The following FHIT variants were observed in gnomAD, a reference collection of about 807,000 sequenced individuals.
FHIT encodes fragile histidine triad diadenosine triphosphatase, also known as bis(5'-adenosyl)-triphosphatase.
A neutral mutation model predicts 17.9 loss-of-function variants in FHIT; 19 were observed. The ratio of observed to expected loss-of-function variants is 1.06; its 90% confidence interval spans 0.74 to 1.56. The LOEUF is 1.56. FHIT is among the 40% of genes most tolerant of loss of function. FHIT has a pLI of 0.00. For synonymous variants in FHIT, 81 were observed against 69.7 expected (o/e 1.16, Z -0.81); for missense variants, 248 against 189.2 (o/e 1.31, Z -1.82).
At chr3:60,580,760 C>A (rs2037724216) in intron 4 of FHIT, among the ~76,000 whole-genome samples, 1 of 152,032 alleles carries the variant, frequency 6.6e-6, no homozygotes. Flanking sequence ...CAGGTTTCAC[C>A]TCTCATGACA....
At chr3:60,870,207 A>C (rs1056642373) in intron 3 of FHIT, among the ~76,000 whole-genome samples, 2 of 152,022 alleles carry the variant, frequency 1.3e-5, no homozygotes, top group African/African-American at 4.8e-5. Context: ...GAGAAAACTA[A>C]TATTGCTCTG....
intron 5 of FHIT, among the ~76,000 whole-genome samples, chr3:60,355,341 T>C (rs1414838205): frequency 6.6e-6 from 1 of 152,216 alleles, no homozygotes; most frequent in African/African-American, 2.4e-5. Context: ...GTGGTACAGA[T>C]GGCTGTCCTT....
chr3:60,789,082 G>C (rs9866819), intron 4 of FHIT, among the ~76,000 whole-genome samples: 2 of 150,078 alleles, frequency 1.3e-5, no homozygotes, highest in African/African-American at 4.9e-5. Context: ...TACATATATA[G>C]AGAGAGAGAT....
In FHIT at chr3:60,117,999, T is replaced by G. The variant is rs908258640; in HGVS notation, c.104-103847A>C. 2.6e-5 allele frequency among the ~76,000 whole-genome samples: 4 copies of G among 152,180 alleles called. 1 individual carries two copies. The South Asian group carries it at 6.2e-4, about 24-fold the overall frequency. ...AAGATGGGATTCTGACCTCCATTCT[T>G]GCAAAATGCTGATGATCCAAGCGGT... On this transcript the variant is annotated intron_variant, in intron 5 of 9. Transcript: ENST00000492590.
At chr3:60,685,899 A>G (rs1478234783) in intron 4 of FHIT, among the ~76,000 whole-genome samples, 1 of 152,204 alleles carries the variant, frequency 6.6e-6, no homozygotes, top group African/African-American at 2.4e-5. Flanking sequence ...TTTTATATTT[A>G]TCTTACTATT....
intron 4 of FHIT, among the ~76,000 whole-genome samples, chr3:60,625,889 C>T (rs141479484): frequency 6.6e-6 from 1 of 152,124 alleles, no homozygotes; most frequent in Non-Finnish European, 1.5e-5. Flanking sequence ...ACATTTGAGG[C>T]CAAGATTCAT....
chr3:60,436,435 C>G (rs977246683), intron 5 of FHIT, among the ~76,000 whole-genome samples: 2 of 152,096 alleles, frequency 1.3e-5, no homozygotes, highest in Non-Finnish European at 2.9e-5. Context: ...CAAGTATATG[C>G]AGTGTGCCCA....
At chr3:60,527,115 T>G (rs953861261) in intron 5 of FHIT, among the ~76,000 whole-genome samples, 1 of 152,164 alleles carries the variant, frequency 6.6e-6, no homozygotes, top group African/African-American at 2.4e-5. Context: ...CGCGGAAATA[T>G]GAAAAGTTTC....
At chr3:60,691,373 C>A (rs1015976135) in intron 4 of FHIT, among the ~76,000 whole-genome samples, 1 of 150,010 alleles carries the variant, frequency 6.7e-6, no homozygotes. Flanking sequence ...TTTTCTTTTT[C>A]TTCTTTTTTT....
In FHIT at chr3:60,868,635, A is replaced by G. The variant is rs116975437; in HGVS notation, c.-110-46624T>C. Among the ~76,000 whole-genome samples, 62 of 152,296 alleles carry G rather than the reference A, an allele frequency of 4.1e-4. No individual in the cohort carries two copies. In the Middle Eastern group the frequency reaches 0.014, roughly 33 times the overall value. ...ATTGACAATATACTCTCTTTGTAAC[A>G]TATTTCTGAATGAGTAGTAAATGGT... On this transcript the variant is annotated intron_variant, in intron 3 of 9. Coordinates refer to ENST00000492590, the MANE Select transcript of FHIT (RefSeq NM_002012.4).
rs536843520 is a variant in FHIT, at chr3:61,107,661, G to C, written c.-163-65562C>G. ...GTCTTTCTGATAATAGCCTGATAAA[G>C]AAAAACTTCAGCCAAATTAAATTTA... On this transcript the variant is annotated intron_variant, in intron 2 of 9. Coordinates refer to ENST00000492590, the MANE Select transcript of FHIT (RefSeq NM_002012.4). Among the ~76,000 whole-genome samples, 5 of 152,232 alleles carry C rather than the reference G, an allele frequency of 3.3e-5. No individual in the cohort carries two copies. The East Asian group carries it at 9.7e-4, about 29-fold the overall frequency.
intron 5 of FHIT, among the ~76,000 whole-genome samples, chr3:60,297,894 T>C (rs1008990589): frequency 4.6e-5 from 7 of 152,120 alleles, no homozygotes; most frequent in Admixed American, 6.6e-5. Context: ...GTCAGTTGTG[T>C]ACCCCAGGCT....
chr3:59,988,511 C>T (rs1709087036), intron 7 of FHIT, among the ~76,000 whole-genome samples: 1 of 152,090 alleles, frequency 6.6e-6, no homozygotes, highest in Non-Finnish European at 1.5e-5. Flanking sequence ...ATTCATCCAT[C>T]TATTCATTCA....
intron 4 of FHIT, among the ~76,000 whole-genome samples, chr3:60,783,415 A>G (rs1272068446): frequency 6.6e-6 from 1 of 152,226 alleles, no homozygotes; most frequent in African/African-American, 2.4e-5. Flanking sequence ...ACAGATGCCC[A>G]CAAAGGAGAT....
intron 5 of FHIT, among the ~76,000 whole-genome samples, chr3:60,104,564 C>T (rs1704329381): frequency 6.7e-6 from 1 of 149,664 alleles, no homozygotes; most frequent in Admixed American, 6.7e-5. Context: ...TTTAGAATTG[C>T]AATGCAGTGA....
chr3:60,069,597 T>C (rs957784907), intron 5 of FHIT, among the ~76,000 whole-genome samples: 6 of 152,194 alleles, frequency 3.9e-5, no homozygotes, highest in Admixed American at 3.3e-4. Context: ...CAGTTAACCA[T>C]CATTTTCATA....
intron 8 of FHIT, among the ~76,000 whole-genome samples, chr3:59,759,321 A>G (rs1701383405): frequency 6.6e-6 from 1 of 152,134 alleles, no homozygotes; most frequent in African/African-American, 2.4e-5. Flanking sequence ...TTGCTCATAA[A>G]GAATGTCCTG....
chr3:60,369,127 C>G lies in FHIT; in HGVS notation c.103+167733G>C, dbSNP rs115126166. On this transcript the variant is annotated intron_variant, in intron 5 of 9. Transcript: ENST00000492590. ...AGCTCAAATCACAGGTGTGCACCAA[C>G]ACGCCTTGCTAATTTTTTTATTTTT... Among the ~76,000 whole-genome samples the G allele has an allele frequency of 7.4e-3, 1,124 of 150,982 alleles. 16 individuals are homozygous for G. The highest frequency in any genetic ancestry group is 0.026 in the African/African-American group (1,081 of 41,412).
At chr3:60,208,072 T>A (rs890391452) in intron 5 of FHIT, among the ~76,000 whole-genome samples, 1 of 152,148 alleles carries the variant, frequency 6.6e-6, no homozygotes, top group Non-Finnish European at 1.5e-5. Flanking sequence ...ACACTTTACT[T>A]ATGACCTATT....
Sources: gnomAD v4.1 joint callset for allele counts (sites outside exome capture counted in the v4.1 genomes callset) on GRCh38, gnomAD v4.1.1 for gene constraint, MANE v1.5 for transcripts, NCBI Gene and HGNC (gene_info 2026-07-23, HGNC 2026-07-21) for gene names.